The following IMMP2L variants were observed in gnomAD, a reference collection of about 807,000 sequenced individuals.
The protein encoded by IMMP2L is inner mitochondrial membrane peptidase subunit 2.
A neutral mutation model predicts 19.3 loss-of-function variants in IMMP2L; 18 were observed. That is an observed-to-expected ratio of 0.93 (90% CI 0.64 to 1.38). IMMP2L has a LOEUF of 1.38. IMMP2L is among the 40% of genes most tolerant of loss of function. The pLI, the probability that IMMP2L is intolerant of heterozygous loss-of-function variation, is 0.00. For missense variants in IMMP2L, 233 were observed against 218.2 expected, an observed-to-expected ratio of 1.07 and a Z score of -0.43; for synonymous variants, 76 against 73.0, an observed-to-expected ratio of 1.04 and a Z score of -0.21.
chr7:110,729,192 T>G (rs1796092821), intron 5 of IMMP2L, among the ~76,000 whole-genome samples: 1 of 152,136 alleles, frequency 6.6e-6, no homozygotes, highest in Non-Finnish European at 1.5e-5. Context: ...CGTATTAGTC[T>G]GTTTTTACAC....
intron 3 of IMMP2L, among the ~76,000 whole-genome samples, chr7:111,162,175 C>A (rs1002814845): frequency 2.0e-5 from 3 of 151,864 alleles, no homozygotes; most frequent in Non-Finnish European, 4.4e-5. Flanking sequence ...AATTATTGAT[C>A]GCTAATATGT....
chr7:111,521,269 C>T (rs764741365), intron 2 of IMMP2L, 44 bp downstream of exon 2: 7 of 1,570,456 alleles, frequency 4.5e-6, no homozygotes, highest in Admixed American at 1.9e-5. Context: ...GCTTGAAAAA[C>T]AATGAAGTAT....
At chr7:110,696,567 C>T (rs544728584) in intron 5 of IMMP2L, among the ~76,000 whole-genome samples, 95 of 151,756 alleles carry the variant, frequency 6.3e-4, no homozygotes, top group Non-Finnish European at 1.0e-3. Context: ...GGTGGGATTA[C>T]AGGCACCTGC....
intron 3 of IMMP2L, among the ~76,000 whole-genome samples, chr7:111,219,284 G>A (rs1812276245): frequency 6.6e-6 from 1 of 151,632 alleles, no homozygotes; most frequent in South Asian, 2.1e-4. Context: ...TTTTTTCTTT[G>A]TTTGAGGCAC....
At chr7:110,809,584 G>A (rs111312193) in intron 5 of IMMP2L, among the ~76,000 whole-genome samples, 3 of 151,546 alleles carry the variant, frequency 2.0e-5, no homozygotes, top group Non-Finnish European at 2.9e-5. Context: ...AATAACAAAC[G>A]GGCCAGACCA....
At chr7:111,535,905 A>G (rs1847846709) in intron 1 of IMMP2L, among the ~76,000 whole-genome samples, 1 of 152,060 alleles carries the variant, frequency 6.6e-6, no homozygotes, top group South Asian at 2.1e-4. Context: ...ACCATTCCCT[A>G]CTCCAAAGAA....
chr7:110,985,853 T>C (rs1821803650), intron 3 of IMMP2L, among the ~76,000 whole-genome samples: 1 of 152,074 alleles, frequency 6.6e-6, no homozygotes, highest in South Asian at 2.1e-4. Flanking sequence ...AGGAGAAGAA[T>C]TACATTAGAA....
chr7:111,457,333 GAA>G (rs1198831934), intron 3 of IMMP2L, among the ~76,000 whole-genome samples: 1 of 132,366 alleles, frequency 7.6e-6, no homozygotes. Flanking sequence ...TACTGGCCTT[GAA>G]AAAAAAAAGA....
At chr7:111,526,616 A>G (rs948649305) in intron 1 of IMMP2L, among the ~76,000 whole-genome samples, 3 of 152,226 alleles carry the variant, frequency 2.0e-5, no homozygotes, top group Non-Finnish European at 4.4e-5. Flanking sequence ...AGTAGTACAA[A>G]TAACACTGAG....
intron 4 of IMMP2L, among the ~76,000 whole-genome samples, chr7:110,917,824 T>A (rs1174805958): frequency 6.6e-6 from 1 of 152,118 alleles, no homozygotes; most frequent in Non-Finnish European, 1.5e-5. Flanking sequence ...AGCTGATAAA[T>A]TCCCAATTGG....
intron 3 of IMMP2L, among the ~76,000 whole-genome samples, chr7:111,154,173 A>G (rs1804384814): frequency 6.6e-6 from 1 of 152,098 alleles, no homozygotes; most frequent in Admixed American, 6.6e-5. Context: ...ATACCACACT[A>G]TTATATTTAA....
rs563633782 is a variant in IMMP2L, at chr7:111,071,329, G to A, written c.240-107764C>T. Among the ~76,000 whole-genome samples the A allele has an allele frequency of 3.1e-4, 47 of 152,206 alleles. No homozygotes were observed. The South Asian group carries it at 9.7e-3, about 32-fold the overall frequency. On this transcript the variant is annotated intron_variant, in intron 3 of 5. Coordinates refer to ENST00000405709, the MANE Select transcript of IMMP2L (RefSeq NM_032549.4). ...CAGCCAATTTGGAAAACAGTTTGAT[G>A]ATGCTTCAAAAAGGTAAACATAGGA...
intron 2 of IMMP2L, among the ~76,000 whole-genome samples, chr7:111,498,336 A>G (rs1175416788): frequency 6.6e-6 from 1 of 152,200 alleles, no homozygotes; most frequent in Non-Finnish European, 1.5e-5. Flanking sequence ...AATGAAATAT[A>G]AAATTTATAT....
intron 1 of IMMP2L, among the ~76,000 whole-genome samples, chr7:111,537,592 G>A (rs1352974630): frequency 7.4e-6 from 1 of 134,802 alleles, no homozygotes; most frequent in East Asian, 2.2e-4. Context: ...CTGGAGTGCC[G>A]TGGTGCGACC....
At chr7:111,318,036 T>A (rs1824291168) in intron 3 of IMMP2L, among the ~76,000 whole-genome samples, 1 of 152,168 alleles carries the variant, frequency 6.6e-6, no homozygotes, top group Admixed American at 6.6e-5. Context: ...TAACAGAATA[T>A]AACCACTTAC....
chr7:110,848,355 G>A (rs1805873802), intron 5 of IMMP2L, among the ~76,000 whole-genome samples: 1 of 152,078 alleles, frequency 6.6e-6, no homozygotes. Flanking sequence ...AAACAACAAT[G>A]AGATACCACC....
At chr7:110,932,072 T>C (rs879454181) in intron 4 of IMMP2L, among the ~76,000 whole-genome samples, 7 of 152,138 alleles carry the variant, frequency 4.6e-5, no homozygotes, top group African/African-American at 9.7e-5. Context: ...TCTATTTTCT[T>C]CAGAGTACTT....
chr7:111,172,387 A>C (rs1051315744), intron 3 of IMMP2L, among the ~76,000 whole-genome samples: 12 of 151,606 alleles, frequency 7.9e-5, no homozygotes, highest in Admixed American at 7.3e-4. Flanking sequence ...AATTATATAC[A>C]TTCATGGAGT....
chr7:111,402,973 C>T (rs1000464941), intron 3 of IMMP2L, among the ~76,000 whole-genome samples: 1 of 147,184 alleles, frequency 6.8e-6, no homozygotes, highest in Admixed American at 6.7e-5. Flanking sequence ...GGTGCAATCT[C>T]GGCTCACTGC....
Sources: gnomAD v4.1 joint callset for allele counts (sites outside exome capture counted in the v4.1 genomes callset) on GRCh38, gnomAD v4.1.1 for gene constraint, MANE v1.5 for transcripts, NCBI Gene and HGNC (gene_info 2026-07-23, HGNC 2026-07-21) for gene names.